The following APLF variants were observed in gnomAD, a reference collection of about 807,000 sequenced individuals.
APLF encodes the protein aprataxin and PNK-like factor.
APLF carries 61 observed loss-of-function variants against 55.6 expected under a neutral mutation model. The observed-to-expected ratio is 1.10, with a 90% CI of 0.89 to 1.36. The LOEUF (loss-of-function observed/expected upper bound fraction) is 1.36, where lower values mean the gene tolerates loss of function less well. APLF is among the 40% of genes most tolerant of loss of function. The pLI, the probability that APLF is intolerant of heterozygous loss-of-function variation, is 0.00. For synonymous variants in APLF, 207 were observed against 214.8 expected, an observed-to-expected ratio of 0.96 and a Z score of 0.32; for missense variants, 611 against 602.5, an observed-to-expected ratio of 1.01 and a Z score of -0.15.
At position 68,487,435 on chromosome 2, in the gene APLF, G is replaced by A. The variant is rs148661985; in HGVS notation, c.97-2755G>A. 4.8e-3 allele frequency among the ~76,000 whole-genome samples: 728 copies of A among 152,188 alleles called. 5 individuals are homozygous for A. The highest frequency in any genetic ancestry group is 0.01 in the Middle Eastern group (3 of 294). ...TACTTATTGGTTGTGTAACTGAGTAGTTGCTTAAACTCTCTGTACTTCCAT... is the reference window on the plus strand; with the variant it reads ...TACTTATTGGTTGTGTAACTGAGTAATTGCTTAAACTCTCTGTACTTCCAT... On this transcript the variant is annotated intron_variant, in intron 1 of 9. Coordinates refer to ENST00000303795, the MANE Select transcript of APLF (RefSeq NM_173545.3).
chr2:68,508,802 T>G (rs10198601), intron 3 of APLF, among the ~76,000 whole-genome samples: 18,255 of 151,846 alleles, frequency 0.12, 1,200 homozygotes, highest in Middle Eastern at 0.16. Context: ...GAGGCATCAC[T>G]CTACCTGACT....
intron 3 of APLF, among the ~76,000 whole-genome samples, chr2:68,506,133 C>A (rs762701851): frequency 1.6e-4 from 24 of 151,734 alleles, no homozygotes; most frequent in Non-Finnish European, 2.8e-4. Context: ...CCATCACAGG[C>A]ACATTCTTGT....
At chr2:68,545,385 G>A (rs924530641) in intron 8 of APLF, 73 bp downstream of exon 8, 3 of 1,486,872 alleles carry the variant, frequency 2.0e-6, no homozygotes, top group Admixed American at 2.1e-5. Context: ...GAAACTGACA[G>A]CAGCTTGTTA....
intron 5 of APLF, chr2:68,515,708 A>G (rs1256669455): frequency 1.0e-6 from 1 of 983,848 alleles, no homozygotes; most frequent in Non-Finnish European, 1.2e-6. Context: ...TAAAGCTTCA[A>G]AATAAGATAG....
chr2:68,537,974 A>T lies in APLF; in HGVS notation c.907A>T (p.Lys303Ter). 1 of 1,613,876 alleles carries T rather than the reference A, an allele frequency of 6.2e-7. No individual in the cohort carries two copies. The highest frequency in any genetic ancestry group is 8.5e-7 in the Non-Finnish European group (1 of 1,179,804). ...RNKLPIEELGKVSKHKIATKR... is the reference protein window; with the variant it reads ...RNKLPIEELG ...CAAACTTCCAATAGAGGAACTTGGT[A>T]AAGTTTCTAAACATAAAATTGCCAC... Residue 303 changes from lysine (K) to a stop codon, truncating the protein, a stop_gained, in exon 7 of 10, where the codon AAA (lysine) becomes TAA (stop). Coordinates refer to ENST00000303795, the MANE Select transcript of APLF (RefSeq NM_173545.3). LOFTEE classifies it high-confidence loss of function.
intron 2 of APLF, among the ~76,000 whole-genome samples, chr2:68,495,794 C>A (rs1459239604): frequency 6.6e-6 from 1 of 152,250 alleles, no homozygotes; most frequent in Non-Finnish European, 1.5e-5. Context: ...ACCACTCTTG[C>A]ACTCTGTGTA....
intron 9 of APLF, among the ~76,000 whole-genome samples, chr2:68,572,331 A>C (rs1671492683): frequency 6.6e-6 from 1 of 152,156 alleles, no homozygotes; most frequent in Non-Finnish European, 1.5e-5. Context: ...CGTTATTAAA[A>C]ATGTTTGTTC....
rs571836982 is a variant in APLF at position 68,522,505 on chromosome 2, A to G, written c.623-3556A>G. 1.2e-4 allele frequency among the ~76,000 whole-genome samples: 18 copies of G among 151,924 alleles called. No homozygotes were observed. In the South Asian group the frequency reaches 3.1e-3, roughly 26 times the overall value. On this transcript the variant is annotated intron_variant, in intron 5 of 9. Coordinates refer to ENST00000303795, the MANE Select transcript of APLF (RefSeq NM_173545.3). ...GTATTTTTCTTTATGTATGCCTTCT[A>G]TGTGAGATTTTAATGTTAGAGCACT...
intron 6 of APLF, among the ~76,000 whole-genome samples, chr2:68,530,648 T>C (rs1670228994): frequency 6.6e-6 from 1 of 152,238 alleles, no homozygotes; most frequent in Non-Finnish European, 1.5e-5. Flanking sequence ...TGGATTAAAA[T>C]ATGATAAACA....
intron 6 of APLF, among the ~76,000 whole-genome samples, chr2:68,537,384 T>C (rs1274370586): frequency 4.6e-5 from 7 of 152,120 alleles, no homozygotes; most frequent in African/African-American, 9.6e-5. Flanking sequence ...TTTTTTTCTT[T>C]GAGATGGAGT....
chr2:68,486,093 A>G (rs1676165072), intron 1 of APLF, among the ~76,000 whole-genome samples: 1 of 152,198 alleles, frequency 6.6e-6, no homozygotes, highest in South Asian at 2.1e-4. Flanking sequence ...AATTTGGTCA[A>G]TCAGAGTTTT....
intron 2 of APLF, among the ~76,000 whole-genome samples, chr2:68,497,633 C>T (rs1286269167): frequency 6.6e-6 from 1 of 150,902 alleles, no homozygotes; most frequent in Non-Finnish European, 1.5e-5. Flanking sequence ...CAGACTAATA[C>T]AGTGTGGGAG....
chr2:68,539,852 G>C (rs1265977263), intron 7 of APLF, among the ~76,000 whole-genome samples: 1 of 152,042 alleles, frequency 6.6e-6, no homozygotes, highest in Non-Finnish European at 1.5e-5. Context: ...CAGTATGTCT[G>C]CTATCACCAC....
At chr2:68,485,875 T>C (rs1383529152) in intron 1 of APLF, among the ~76,000 whole-genome samples, 2 of 149,840 alleles carry the variant, frequency 1.3e-5, no homozygotes, top group Admixed American at 1.3e-4. Flanking sequence ...AGTGGCGCGA[T>C]CATGGCTCAC....
At chr2:68,483,505 G>T (rs1199519081) in intron 1 of APLF, among the ~76,000 whole-genome samples, 1 of 152,146 alleles carries the variant, frequency 6.6e-6, no homozygotes, top group Non-Finnish European at 1.5e-5. Flanking sequence ...CAGTTGAATT[G>T]TAGTTGTTGA....
chr2:68,541,224 C>T (rs1271875554), intron 7 of APLF, among the ~76,000 whole-genome samples: 1 of 151,964 alleles, frequency 6.6e-6, no homozygotes, highest in Non-Finnish European at 1.5e-5. Flanking sequence ...TGACATTGGG[C>T]AAAGATTTCT....
chr2:68,470,346 A>G (rs555355385), intron 1 of APLF, among the ~76,000 whole-genome samples: 6 of 152,356 alleles, frequency 3.9e-5, no homozygotes, highest in South Asian at 2.1e-4. Context: ...GGATATGGCT[A>G]TAAAATAGCA....
At chr2:68,478,257 C>G (rs977609136) in intron 1 of APLF, among the ~76,000 whole-genome samples, 2 of 151,774 alleles carry the variant, frequency 1.3e-5, no homozygotes, top group Admixed American at 1.3e-4. Context: ...CCTGCCATTT[C>G]AAAATAAATG....
intron 3 of APLF, among the ~76,000 whole-genome samples, chr2:68,509,474 T>C (rs1471304813): frequency 6.6e-6 from 1 of 152,062 alleles, no homozygotes; most frequent in Non-Finnish European, 1.5e-5. Flanking sequence ...AAAATGCTCA[T>C]CATCACTGGC....
Sources: allele counts gnomAD v4.1 joint callset (sites outside exome capture counted in the v4.1 genomes callset), GRCh38; gene constraint gnomAD v4.1.1; transcripts MANE v1.5; gene names NCBI Gene and HGNC (gene_info 2026-07-23, HGNC 2026-07-21).